The following SLC25A13 variants were observed in gnomAD, a reference collection of about 807,000 sequenced individuals.
The protein encoded by SLC25A13 is electrogenic aspartate/glutamate antiporter SLC25A13, mitochondrial.
SLC25A13 carries 70 observed loss-of-function variants against 85.5 expected under a neutral mutation model. That is an observed-to-expected ratio of 0.82 (90% CI 0.68 to 1.00). SLC25A13 has a LOEUF of 1.00. Ranked by LOEUF, SLC25A13 falls within the 50% of genes least tolerant of loss-of-function variation. The pLI, the probability that SLC25A13 is intolerant of heterozygous loss-of-function variation, is 0.00. For synonymous variants in SLC25A13, 259 were observed against 288.7 expected (o/e 0.90, Z 1.04); for missense variants, 765 against 819.8 (o/e 0.93, Z 0.82).
chr7:96,184,623 T>C, intron 10 of SLC25A13, 188 bp from the exon 11 acceptor site: 2 of 656,004 alleles, frequency 3.0e-6, no homozygotes, highest in Non-Finnish European at 5.2e-6. Flanking sequence ...AAGTATCCCC[T>C]AATAAAAGGA....
At chr7:96,130,497 A>G (rs1052474747) in intron 15 of SLC25A13, among the ~76,000 whole-genome samples, 2 of 152,230 alleles carry the variant, frequency 1.3e-5, no homozygotes, top group Non-Finnish European at 2.9e-5. Context: ...CAAAGCTTAC[A>G]AGAAGTGAAG....
At chr7:96,222,509 G>A (rs543210179) in intron 4 of SLC25A13, among the ~76,000 whole-genome samples, 3 of 152,236 alleles carry the variant, frequency 2.0e-5, no homozygotes, top group South Asian at 4.2e-4. Flanking sequence ...GTGGTGGCAC[G>A]ATCTCGGCTC....
intron 14 of SLC25A13, among the ~76,000 whole-genome samples, chr7:96,141,026 T>C (rs1235646857): frequency 6.7e-6 from 1 of 148,876 alleles, no homozygotes; most frequent in Middle Eastern, 3.2e-3. Flanking sequence ...TTTCTTTTTT[T>C]TTTTTTTTTT....
chr7:96,302,346 T>C (rs1441135037), intron 1 of SLC25A13, among the ~76,000 whole-genome samples: 1 of 152,120 alleles, frequency 6.6e-6, no homozygotes, highest in Non-Finnish European at 1.5e-5. Flanking sequence ...AATTCCTACC[T>C]GTAGGAATAT....
chr7:96,149,416 A>T (rs1240434038), intron 13 of SLC25A13, among the ~76,000 whole-genome samples: 10 of 152,212 alleles, frequency 6.6e-5, no homozygotes, highest in Admixed American at 6.5e-4. Flanking sequence ...ACAATAAAAC[A>T]AGAACTTACA....
chr7:96,276,451 G>A (rs12532781), intron 3 of SLC25A13, among the ~76,000 whole-genome samples: 84,010 of 151,892 alleles, frequency 0.55, 25,188 homozygotes, highest in Non-Finnish European at 0.67. Flanking sequence ...GCAAAATCCC[G>A]TCTCTACAAA....
At chr7:96,289,174 C>T (rs1405031110) in intron 2 of SLC25A13, among the ~76,000 whole-genome samples, 1 of 152,224 alleles carries the variant, frequency 6.6e-6, no homozygotes, top group Non-Finnish European at 1.5e-5. Context: ...CATCAAACTC[C>T]AACAGACCTG....
At chr7:96,186,259 G>A (rs149757241) in intron 9 of SLC25A13, among the ~76,000 whole-genome samples, 47 of 152,182 alleles carry the variant, frequency 3.1e-4, no homozygotes, top group African/African-American at 1.1e-3. Context: ...GAGAAACCCC[G>A]TCTCTTCTAA....
intron 9 of SLC25A13, among the ~76,000 whole-genome samples, chr7:96,186,682 A>C (rs772043728): frequency 2.3e-4 from 35 of 152,238 alleles, no homozygotes; most frequent in Non-Finnish European, 4.6e-4. Flanking sequence ...ATTTGATATT[A>C]AATGTTCACA....
intron 1 of SLC25A13, among the ~76,000 whole-genome samples, chr7:96,305,513 A>G (rs540863181): frequency 6.6e-6 from 1 of 152,294 alleles, no homozygotes; most frequent in South Asian, 2.1e-4. Context: ...TGCAATTGTA[A>G]TTACCACGCC....
chr7:96,162,093 T>C (rs1298750723), intron 13 of SLC25A13, among the ~76,000 whole-genome samples: 1 of 152,166 alleles, frequency 6.6e-6, no homozygotes, highest in Non-Finnish European at 1.5e-5. Context: ...ACTTGCATAG[T>C]GAAATAAAAA....
chr7:96,244,972 A>C (rs919834645), intron 3 of SLC25A13, among the ~76,000 whole-genome samples: 5 of 152,134 alleles, frequency 3.3e-5, no homozygotes, highest in African/African-American at 1.2e-4. Flanking sequence ...ATATATATAT[A>C]TAGGCTCTCG....
At chr7:96,247,645 AG>A (rs1327732290) in intron 3 of SLC25A13, among the ~76,000 whole-genome samples, 1 of 152,200 alleles carries the variant, frequency 6.6e-6, no homozygotes, top group Non-Finnish European at 1.5e-5. Context: ...TTAAAAATCA[AG>A]GTATATAGGA....
intron 5 of SLC25A13, among the ~76,000 whole-genome samples, chr7:96,208,601 G>A (rs972221436): frequency 6.6e-6 from 1 of 150,690 alleles, no homozygotes; most frequent in African/African-American, 2.5e-5. Context: ...CACCTCCCAA[G>A]TTCACACCAT....
intron 4 of SLC25A13, among the ~76,000 whole-genome samples, chr7:96,209,683 G>T (rs190667586): frequency 6.6e-6 from 1 of 152,114 alleles, no homozygotes. Flanking sequence ...CCTGGCTTAG[G>T]ATCTCTTTTT....
At chr7:96,241,310 T>C (rs1164616700) in intron 3 of SLC25A13, among the ~76,000 whole-genome samples, 1 of 152,170 alleles carries the variant, frequency 6.6e-6, no homozygotes, top group Non-Finnish European at 1.5e-5. Flanking sequence ...GAGTTTATCC[T>C]AAAAAATAAT....
intron 11 of SLC25A13, among the ~76,000 whole-genome samples, chr7:96,175,387 T>G (rs1794180006): frequency 6.6e-6 from 1 of 152,238 alleles, no homozygotes; most frequent in Non-Finnish European, 1.5e-5. Context: ...GTAGTGATAA[T>G]GACAACAGCC....
chr7:96,136,672 C>T lies in SLC25A13; in HGVS notation c.1453-4791G>A, dbSNP rs1479983967. Among the ~76,000 whole-genome samples, 3 of 152,104 alleles carry T rather than the reference C, an allele frequency of 2.0e-5. No individual in the cohort carries two copies. The East Asian group carries it at 5.8e-4, about 29-fold the overall frequency. The stretch of plus-strand genomic sequence containing the variant: ...GGGCAGGTCTTTTTGCATGCTAATT[C>T]CTGCTTATTCTAGCTGTACCTGCAA... On this transcript the variant is annotated intron_variant, in intron 14 of 17. Transcript: ENST00000265631.
intron 3 of SLC25A13, among the ~76,000 whole-genome samples, chr7:96,262,318 A>G (rs1173770087): frequency 6.6e-6 from 1 of 152,208 alleles, no homozygotes; most frequent in African/African-American, 2.4e-5. Context: ...CCAAACAAAG[A>G]AAGAGGAAAG....
Sources: allele counts gnomAD v4.1 joint callset (sites outside exome capture counted in the v4.1 genomes callset), GRCh38; gene constraint gnomAD v4.1.1; transcripts MANE v1.5; gene names NCBI Gene and HGNC (gene_info 2026-07-23, HGNC 2026-07-21).